Variants in RERE observed in about 807,000 individuals in gnomAD.
RERE encodes arginine-glutamic acid dipeptide repeats, also known as arginine-glutamic acid dipeptide repeats protein.
Under a neutral mutation model 146.1 loss-of-function variants are expected in RERE, and 40 were observed. The observed-to-expected ratio is 0.27, with a 90% confidence interval of 0.21 to 0.36. The LOEUF (loss-of-function observed/expected upper bound fraction) is 0.36. Among genes scored for constraint, RERE ranks in the 10% least tolerant of loss-of-function variants. The probability of loss-of-function intolerance (pLI) is 1.00; values close to 1 mark genes in which losing one functional copy is unlikely to be tolerated. For synonymous variants in RERE, 1,003 were observed against 866.0 expected, an observed-to-expected ratio of 1.16 and a Z score of -2.78; for missense variants, 1,933 against 2,138.7, an observed-to-expected ratio of 0.90 and a Z score of 1.90.
At chr1:8,433,717 C>T (rs1028616174) in intron 11 of RERE, among the ~76,000 whole-genome samples, 2 of 151,636 alleles carry the variant, frequency 1.3e-5, no homozygotes, top group Non-Finnish European at 2.9e-5. Flanking sequence ...CCCGCCACCG[C>T]GCCCGGCTAA....
chr1:8,433,608 C>T (rs1018586869), intron 11 of RERE, among the ~76,000 whole-genome samples: 13 of 144,690 alleles, frequency 9.0e-5, no homozygotes, highest in African/African-American at 2.6e-4. Flanking sequence ...GGTCGGACTG[C>T]GGACTGCAGT....
At chr1:8,582,285 T>C (rs796285648) in intron 4 of RERE, among the ~76,000 whole-genome samples, 21 of 151,868 alleles carry the variant, frequency 1.4e-4, no homozygotes, top group African/African-American at 4.6e-4. Context: ...CAGCACACAA[T>C]AGCCTTAAAC....
At chr1:8,618,965 T>C (rs980355511) in intron 3 of RERE, among the ~76,000 whole-genome samples, 1 of 152,102 alleles carries the variant, frequency 6.6e-6, no homozygotes, top group African/African-American at 2.4e-5. Context: ...GGGTAGTGAG[T>C]AGCAAACAAC....
chr1:8,529,303 T>C (rs1645610043), intron 7 of RERE, among the ~76,000 whole-genome samples: 1 of 146,480 alleles, frequency 6.8e-6, no homozygotes, highest in African/African-American at 2.5e-5. Context: ...TTTTTTTTTT[T>C]TTTTGAGATG....
At chr1:8,712,968 G>T (rs1000203646) in intron 1 of RERE, among the ~76,000 whole-genome samples, 1 of 152,128 alleles carries the variant, frequency 6.6e-6, no homozygotes. Flanking sequence ...GAGGACTATA[G>T]TTTATTCTTC....
chr1:8,381,724 G>A (rs552697022), intron 12 of RERE, among the ~76,000 whole-genome samples: 13 of 152,294 alleles, frequency 8.5e-5, no homozygotes, highest in East Asian at 1.9e-4. Context: ...CCCCGGGGAC[G>A]CGCCAGTGTG....
At position 8,448,868 on chromosome 1, in the gene RERE, A is replaced by C. The variant is rs146343123; in HGVS notation, c.1203+17057T>G. ...ACAAACAAACAAATAAACAAACAAA[A>C]AAAAAAAAGGAAGAAGAACCAGAAT... On this transcript the variant is annotated intron_variant, in intron 11 of 22. Coordinates refer to ENST00000400908, the MANE Select transcript of RERE (RefSeq NM_001042681.2). 1.4e-3 allele frequency among the ~76,000 whole-genome samples: 210 copies of C among 152,224 alleles called. 2 individuals carry two copies. Among genetic ancestry groups the C allele is most frequent in the African/African-American group, 4.8e-3 (200 of 41,550 alleles).
In RERE at chr1:8,423,019, C is replaced by A; in HGVS notation, c.1204-212G>T. 1.9e-6 allele frequency: 1 copy of A among 538,818 alleles called. No individual in the cohort carries two copies. The highest frequency in any genetic ancestry group is 3.4e-6 in the Non-Finnish European group (1 of 297,172). The allele number at this position is 538,818 out of a possible 1,614,324, so 33.4% of individuals were successfully genotyped here. ...CCTTCATCAGAACCCCAATCCCACC[C>A]ACCACGCAGGGCAGCGCGTTTAAGA... is the stretch of plus-strand genomic sequence containing the variant. On this transcript the variant is annotated intron_variant, in intron 11 of 22. Coordinates refer to ENST00000400908, the MANE Select transcript of RERE (RefSeq NM_001042681.2). The surrounding 1 kb of genome is among the most constrained non-coding windows in gnomAD (Gnocchi z 5.4).
chr1:8,527,278 T>C (rs1158261492), intron 7 of RERE, among the ~76,000 whole-genome samples: 1 of 152,194 alleles, frequency 6.6e-6, no homozygotes, highest in Non-Finnish European at 1.5e-5. Flanking sequence ...GAAGAACATT[T>C]TCCCTTATTG....
At chr1:8,359,708 C>T in intron 19 of RERE, 56 bp downstream of exon 19, 1 of 1,569,924 alleles carries the variant, frequency 6.4e-7, no homozygotes, top group Non-Finnish European at 8.6e-7. Flanking sequence ...CAGCGTGGCT[C>T]CCAGGCGCAG....
intron 12 of RERE, among the ~76,000 whole-genome samples, chr1:8,404,108 C>T (rs1181326692): frequency 6.6e-6 from 1 of 152,018 alleles, no homozygotes; most frequent in African/African-American, 2.4e-5. Context: ...GGATTATAGG[C>T]CTGAGCCGCT....
At chr1:8,755,489 C>G (rs988977757) in intron 1 of RERE, among the ~76,000 whole-genome samples, 2 of 152,030 alleles carry the variant, frequency 1.3e-5, no homozygotes, top group African/African-American at 4.8e-5. Context: ...AAAAAGACCA[C>G]GAAAATTTGT....
At chr1:8,450,484 C>G (rs952513995) in intron 11 of RERE, among the ~76,000 whole-genome samples, 2 of 152,070 alleles carry the variant, frequency 1.3e-5, no homozygotes, top group Non-Finnish European at 2.9e-5. Context: ...CAGCCCAGTC[C>G]AGACTAGACG....
chr1:8,789,503 G>C lies in RERE; in HGVS notation c.-145+27657C>G, dbSNP rs1569802671. ...AGATGCACACATAACTCTTTATCAG[G>C]ACTGACCAATACACTTCCCATCCCC... is the stretch of plus-strand genomic sequence containing the variant. On this transcript the variant is annotated intron_variant, in intron 1 of 22. Coordinates refer to ENST00000400908, the MANE Select transcript of RERE (RefSeq NM_001042681.2). 2.6e-5 allele frequency among the ~76,000 whole-genome samples: 4 copies of C among 151,352 alleles called. 1 individual carries two copies. Among genetic ancestry groups the C allele is most frequent in the Admixed American group, 2.6e-4 (4 of 15,156 alleles).
At chr1:8,674,329 T>C (rs1050573880) in intron 1 of RERE, among the ~76,000 whole-genome samples, 1 of 152,086 alleles carries the variant, frequency 6.6e-6, no homozygotes, top group Non-Finnish European at 1.5e-5. Context: ...AGAAGGAAAG[T>C]AATACATACT....
chr1:8,675,493 TA>T (rs1638813798), intron 1 of RERE, among the ~76,000 whole-genome samples: 1 of 20,022 alleles, frequency 5.0e-5, no homozygotes, highest in Non-Finnish European at 8.9e-5. Context: ...ACCCCATCTC[TA>T]CAAAAAAAAA....
rs767251697 is a variant in RERE at position 8,360,149 on chromosome 1, C to G, written c.3358G>C (p.Val1120Leu). The change falls in exon 18 of 23, where the codon GTG becomes CTG. Residue 1120 changes from valine to leucine, a missense_variant. Physicochemically the swap from Val to Leu is conservative, Grantham distance 32 (BLOSUM62 1). This residue lies in a region of RERE where 1,255 missense variants were observed against 1,153.8 expected (regional missense o/e 1.09). Coordinates refer to ENST00000400908, the MANE Select transcript of RERE (RefSeq NM_001042681.2). The stretch of plus-strand genomic sequence containing the variant: ...CTGGCGTGACTGGGGGTGTCCACCA[C>G]AGTGGGCTCCGGGGACGGGCTCCTT... ...PPRSPSPEPT[V>L]VDTPSHASQS... 79 of 1,595,780 alleles carry G rather than the reference C, an allele frequency of 5.0e-5. No individual in the cohort carries two copies. The highest frequency in any genetic ancestry group is 6.3e-5 in the Non-Finnish European group (74 of 1,171,070).
intron 1 of RERE, among the ~76,000 whole-genome samples, chr1:8,680,656 A>G (rs1426168670): frequency 6.6e-6 from 1 of 152,178 alleles, no homozygotes; most frequent in East Asian, 1.9e-4. Flanking sequence ...AAAAGGAAAG[A>G]GAGACTGAAA....
At chr1:8,624,846 A>T (rs1163180311) in intron 2 of RERE, among the ~76,000 whole-genome samples, 1 of 152,254 alleles carries the variant, frequency 6.6e-6, no homozygotes, top group Admixed American at 6.5e-5. Context: ...ATACGCAAAG[A>T]TGACTAGCTT....
Sources: gnomAD v4.1 joint callset for allele counts (sites outside exome capture counted in the v4.1 genomes callset) on GRCh38, gnomAD v4.1.1 for gene constraint, gnomAD v4.1.1 regional missense constraint, Gnocchi (gnomAD v3.1) non-coding constraint, MANE v1.5 for transcripts, NCBI Gene and HGNC (gene_info 2026-07-23, HGNC 2026-07-21) for gene names.